KCNT2: variants seen among roughly 807,000 people sequenced by gnomAD.
KCNT2 encodes the protein potassium sodium-activated channel subfamily T member 2.
A neutral mutation model predicts 153.8 loss-of-function variants in KCNT2; 67 were observed. The observed-to-expected ratio is 0.44, with a 90% CI of 0.36 to 0.53. KCNT2 has a LOEUF of 0.53. KCNT2 is among the 20% of genes least tolerant of loss of function. The pLI is 0.00. For missense variants in KCNT2, 975 were observed against 1,354.8 expected, an observed-to-expected ratio of 0.72 and a Z score of 4.40; for synonymous variants, 500 against 458.8, an observed-to-expected ratio of 1.09 and a Z score of -1.15.
chr1:196,233,060 C>T (rs1164323415), intron 27 of KCNT2, among the ~76,000 whole-genome samples: 1 of 150,978 alleles, frequency 6.6e-6, no homozygotes, highest in Non-Finnish European at 1.5e-5. Context: ...AATGTGGATG[C>T]CATGAAAAAA....
intron 12 of KCNT2, among the ~76,000 whole-genome samples, chr1:196,402,639 A>G (rs1476564527): frequency 1.3e-5 from 2 of 151,640 alleles, no homozygotes; most frequent in Non-Finnish European, 3.0e-5. Context: ...AAACAAACAA[A>G]ACAATTTAGA....
chr1:196,257,303 T>G, intron 26 of KCNT2: 2 of 983,182 alleles, frequency 2.0e-6, no homozygotes, highest in Non-Finnish European at 2.4e-6. Flanking sequence ...GCAACTTCTC[T>G]TAAACTCTAA....
intron 1 of KCNT2, among the ~76,000 whole-genome samples, chr1:196,523,175 A>G (rs1470062551): frequency 1.3e-5 from 2 of 152,292 alleles, no homozygotes; most frequent in South Asian, 2.1e-4. Context: ...TTTAAGAGCT[A>G]TAACACACAC....
At chr1:196,391,724 C>A (rs1670513047) in intron 13 of KCNT2, among the ~76,000 whole-genome samples, 1 of 150,960 alleles carries the variant, frequency 6.6e-6, no homozygotes. Flanking sequence ...TAATCAACAC[C>A]AATGTTAATT....
At chr1:196,437,868 G>C (rs1674864970) in intron 8 of KCNT2, among the ~76,000 whole-genome samples, 1 of 151,402 alleles carries the variant, frequency 6.6e-6, no homozygotes, top group Non-Finnish European at 1.5e-5. Context: ...TACAGATGCA[G>C]GTATCAATAG....
intron 1 of KCNT2, among the ~76,000 whole-genome samples, chr1:196,583,131 A>G (rs1662265960): frequency 6.6e-6 from 1 of 152,048 alleles, no homozygotes. Flanking sequence ...AAATTAAAAC[A>G]CCTCTCAAGA....
intron 14 of KCNT2, 31 bp from the exon 15 acceptor site, chr1:196,342,259 C>T (rs773304106): frequency 3.2e-6 from 5 of 1,569,598 alleles, no homozygotes; most frequent in South Asian, 1.2e-5. Flanking sequence ...CATACACACA[C>T]ACAAAAAGAA....
intron 14 of KCNT2, chr1:196,343,194 C>T (rs1164660772): frequency 6.6e-6 from 1 of 152,160 alleles, no homozygotes; most frequent in East Asian, 1.9e-4. Context: ...CTCCAAAAGA[C>T]ATCCCACAAA....
chr1:196,410,861 G>C (rs1264219764), intron 12 of KCNT2, among the ~76,000 whole-genome samples: 1 of 151,442 alleles, frequency 6.6e-6, no homozygotes, highest in Non-Finnish European at 1.5e-5. Flanking sequence ...GCTGATTTTT[G>C]TGTAGGATGT....
At chr1:196,412,008 T>G (rs973911984) in intron 12 of KCNT2, among the ~76,000 whole-genome samples, 1 of 151,810 alleles carries the variant, frequency 6.6e-6, no homozygotes, top group African/African-American at 2.4e-5. Context: ...TTGAACCATT[T>G]TTGCATTCCA....
intron 27 of KCNT2, 145 bp from the exon 28 acceptor site, chr1:196,228,480 C>T (rs1160362962): frequency 1.9e-6 from 1 of 522,394 alleles, no homozygotes; most frequent in East Asian, 3.2e-5. Context: ...GTAGAACTCA[C>T]TGTTTGGTTG....
chr1:196,368,662 C>A (rs557205069), intron 14 of KCNT2, among the ~76,000 whole-genome samples: 3 of 152,262 alleles, frequency 2.0e-5, no homozygotes, highest in African/African-American at 7.2e-5. Context: ...AATCCTATCT[C>A]AGTGTTATTT....
intron 1 of KCNT2, among the ~76,000 whole-genome samples, chr1:196,555,970 C>A (rs1658600021): frequency 6.6e-6 from 1 of 151,128 alleles, no homozygotes; most frequent in African/African-American, 2.4e-5. Context: ...TGAAATTTGA[C>A]CCCTATATCT....
intron 1 of KCNT2, among the ~76,000 whole-genome samples, chr1:196,529,069 A>G (rs1345284077): frequency 6.6e-6 from 1 of 152,152 alleles, no homozygotes; most frequent in South Asian, 2.1e-4. Flanking sequence ...AAAAGATTTT[A>G]TATCAAATGA....
At chr1:196,492,481 T>A in intron 1 of KCNT2, 140 bp from the exon 2 acceptor site, 1 of 701,278 alleles carries the variant, frequency 1.4e-6, no homozygotes, top group Non-Finnish European at 2.0e-6. Flanking sequence ...TTTGATTTAA[T>A]GCATTATGTA....
chr1:196,552,204 G>A (rs926600632), intron 1 of KCNT2, among the ~76,000 whole-genome samples: 3 of 151,278 alleles, frequency 2.0e-5, no homozygotes, highest in African/African-American at 7.3e-5. Flanking sequence ...ATAAACAACA[G>A]TCTAATTATA....
Position 196,489,882 on chromosome 1 carries a change from G to A in KCNT2, c.231C>T (p.Tyr77=), listed in dbSNP as rs1188701380. The change falls in exon 3 of 28, where the codon TAC becomes TAT. Residue 77 remains tyrosine (Y), a synonymous_variant. Coordinates refer to ENST00000294725, the MANE Select transcript of KCNT2 (RefSeq NM_198503.5). ...GGTTTTCTAGTAGTACTCGGATTAT[G>A]TATAATAAGCAGCTTAGTAATTTGA... ...FSLKLLSCLL[Y]IIRVLLENPS... The A allele has an allele frequency of 6.3e-7, 1 of 1,592,958 alleles. No homozygotes were observed. The highest frequency in any genetic ancestry group is 8.5e-7 in the Non-Finnish European group (1 of 1,169,830).
chr1:196,236,463 C>G (rs571728083), intron 26 of KCNT2, among the ~76,000 whole-genome samples: 19 of 151,480 alleles, frequency 1.3e-4, no homozygotes, highest in Admixed American at 7.3e-4. Flanking sequence ...AATATCCACA[C>G]AGGAAATTCT....
chr1:196,385,878 T>C (rs1054115694), intron 13 of KCNT2, among the ~76,000 whole-genome samples: 3 of 151,932 alleles, frequency 2.0e-5, no homozygotes, highest in East Asian at 1.9e-4. Flanking sequence ...CCCAAATAAC[T>C]CTTACATGCT....
Sources: allele counts gnomAD v4.1 joint callset (sites outside exome capture counted in the v4.1 genomes callset), GRCh38; gene constraint gnomAD v4.1.1; transcripts MANE v1.5; gene names NCBI Gene and HGNC (gene_info 2026-07-23, HGNC 2026-07-21).